Variants in RYR3 observed in about 807,000 individuals in gnomAD.
RYR3 encodes brain ryanodine receptor-calcium release channel.
RYR3 carries 207 observed loss-of-function variants against 584.3 expected under a neutral mutation model. The ratio of observed to expected loss-of-function variants is 0.35; its 90% confidence interval spans 0.32 to 0.40. The LOEUF (loss-of-function observed/expected upper bound fraction) is 0.40. Among genes scored for constraint, RYR3 ranks in the 10% least tolerant of loss-of-function variants. The pLI, the probability that RYR3 is intolerant of heterozygous loss-of-function variation, is 1.00. For missense variants in RYR3, 5,616 were observed against 6,089.2 expected (o/e 0.92, Z 2.59); for synonymous variants, 2,416 against 2,248.5 (o/e 1.07, Z -2.11).
At chr15:33,716,853 C>G (rs1200751467) in intron 43 of RYR3, among the ~76,000 whole-genome samples, 1 of 127,260 alleles carries the variant, frequency 7.9e-6, no homozygotes, top group Non-Finnish European at 1.6e-5. Flanking sequence ...TTCAATAAAA[C>G]TAGAATTAAG....
At chr15:33,334,637 T>A (rs1170315982) in intron 1 of RYR3, among the ~76,000 whole-genome samples, 1 of 152,060 alleles carries the variant, frequency 6.6e-6, no homozygotes, top group Non-Finnish European at 1.5e-5. Flanking sequence ...AATTTCATAA[T>A]GAAGATGCCA....
At chr15:33,421,370 A>C (rs184608654) in intron 1 of RYR3, among the ~76,000 whole-genome samples, 21 of 152,154 alleles carry the variant, frequency 1.4e-4, no homozygotes, top group African/African-American at 4.8e-4. Flanking sequence ...ATCAATTTGG[A>C]GTTGTTGTAT....
rs192898616 is a variant in RYR3, at chr15:33,548,587, G to T, written c.815+383G>T. ...TCCAGTGGACAGTTAGCTTTAAATG[G>T]CACACAGACAGGTGGTCGCGATTGC... On this transcript the variant is annotated intron_variant, in intron 9 of 103. Transcript: ENST00000634891. Among the ~76,000 whole-genome samples the T allele has an allele frequency of 1.3e-3, 201 of 152,316 alleles. 2 individuals carry two copies. Among genetic ancestry groups the T allele is most frequent in the Middle Eastern group, 6.8e-3 (2 of 294 alleles).
intron 30 of RYR3, 57 bp from the exon 31 acceptor site, chr15:33,649,015 A>G (rs986872095): frequency 1.7e-5 from 26 of 1,537,712 alleles, no homozygotes; most frequent in East Asian, 2.3e-5. Flanking sequence ...TGGGCCCCCT[A>G]TCTTCAACTG....
intron 1 of RYR3, among the ~76,000 whole-genome samples, chr15:33,424,952 A>C (rs1196510688): frequency 6.6e-6 from 1 of 152,086 alleles, no homozygotes; most frequent in Non-Finnish European, 1.5e-5. Flanking sequence ...GAAGAAGAAA[A>C]TGGGAATATG....
intron 2 of RYR3, among the ~76,000 whole-genome samples, chr15:33,483,425 T>C (rs1419152066): frequency 6.6e-6 from 1 of 152,216 alleles, no homozygotes; most frequent in Non-Finnish European, 1.5e-5. Context: ...TGGTTTCTGT[T>C]GTCTGCCCCC....
At chr15:33,444,044 G>A (rs542399355) in intron 1 of RYR3, among the ~76,000 whole-genome samples, 9 of 152,340 alleles carry the variant, frequency 5.9e-5, no homozygotes, top group African/African-American at 2.2e-4. Flanking sequence ...AAATGAATTT[G>A]AGGGCTTTGT....
intron 87 of RYR3, among the ~76,000 whole-genome samples, chr15:33,836,082 C>T (rs745793386): frequency 4.0e-5 from 6 of 149,268 alleles, no homozygotes; most frequent in South Asian, 2.1e-4. Flanking sequence ...AGTTGAAGGG[C>T]TAGGCAAAGA....
At chr15:33,669,312 A>G (rs754805800) in intron 36 of RYR3, 42 bp from the exon 37 acceptor site, 1 of 1,544,892 alleles carries the variant, frequency 6.5e-7, no homozygotes, top group Non-Finnish European at 8.9e-7. Context: ...CCCTTGGCCA[A>G]CATTGAGAAC....
At chr15:33,624,647 G>A (rs1595877172) in intron 20 of RYR3, among the ~76,000 whole-genome samples, 1 of 152,270 alleles carries the variant, frequency 6.6e-6, no homozygotes, top group Non-Finnish European at 1.5e-5. Context: ...ATGGAATAGC[G>A]TGAAGGGCTT....
chr15:33,797,883 T>C (rs1326008226), intron 67 of RYR3, among the ~76,000 whole-genome samples: 1 of 152,138 alleles, frequency 6.6e-6, no homozygotes, highest in Non-Finnish European at 1.5e-5. Flanking sequence ...CCCTGAAAAA[T>C]CAATAGGAAA....
chr15:33,839,917 T>C (rs929716469), intron 89 of RYR3: 3 of 152,190 alleles, frequency 2.0e-5, no homozygotes, highest in African/African-American at 4.8e-5. Context: ...GTTTGATACA[T>C]AATAGGGTCC....
intron 38 of RYR3, among the ~76,000 whole-genome samples, chr15:33,691,107 C>T (rs1161209896): frequency 1.3e-5 from 2 of 152,072 alleles, no homozygotes; most frequent in Non-Finnish European, 2.9e-5. Flanking sequence ...AAAACTATAT[C>T]TGAACAAGTA....
intron 1 of RYR3, among the ~76,000 whole-genome samples, chr15:33,330,641 C>G (rs1404143953): frequency 6.6e-6 from 1 of 152,088 alleles, no homozygotes; most frequent in Non-Finnish European, 1.5e-5. Flanking sequence ...ATACTATGCT[C>G]CCAGATAGTT....
At chr15:33,633,192 C>A in intron 24 of RYR3, 84 bp downstream of exon 24, 2 of 1,438,380 alleles carry the variant, frequency 1.4e-6, no homozygotes, top group Non-Finnish European at 1.9e-6. Context: ...TGTGTTAGAT[C>A]AGAAGGAAGA....
intron 1 of RYR3, among the ~76,000 whole-genome samples, chr15:33,348,486 T>G (rs556695826): frequency 6.7e-4 from 102 of 152,316 alleles, no homozygotes; most frequent in African/African-American, 2.4e-3. Flanking sequence ...TTTATTTATT[T>G]ATTTTTGAGA....
chr15:33,755,159 C>G lies in RYR3; in HGVS notation c.8494C>G (p.Gln2832Glu). ...KKILKYVDSAQEFIAHLEAIV... is the reference protein window; with the variant it reads ...KKILKYVDSAEEFIAHLEAIV... Reference sequence around the variant, plus strand: ...GATCCTGAAATACGTTGATTCTGCTCAAGAATTTATTGCCCATTTAGGTAA... The same window carrying G: ...GATCCTGAAATACGTTGATTCTGCTGAAGAATTTATTGCCCATTTAGGTAA... Residue 2832 changes from glutamine (Q) to glutamate (E), a missense_variant, in exon 58 of 104, where the codon CAA becomes GAA. Coordinates refer to ENST00000634891, the MANE Select transcript of RYR3 (RefSeq NM_001036.6). 1.9e-6 allele frequency: 3 copies of G among 1,608,078 alleles called. No individual in the cohort carries two copies. Among genetic ancestry groups the G allele is most frequent in the Non-Finnish European group, 2.6e-6 (3 of 1,175,452 alleles).
At chr15:33,397,415 G>C (rs2141337526) in intron 1 of RYR3, among the ~76,000 whole-genome samples, 1 of 152,278 alleles carries the variant, frequency 6.6e-6, no homozygotes, top group East Asian at 1.9e-4. Context: ...TTACAACTAG[G>C]CCCTATGCAT....
chr15:33,695,364 G>T (rs142072316), intron 38 of RYR3, among the ~76,000 whole-genome samples: 1 of 152,258 alleles, frequency 6.6e-6, no homozygotes, highest in East Asian at 1.9e-4. Flanking sequence ...TATAACCTCT[G>T]AAGGTTCCAC....
Sources: allele counts gnomAD v4.1 joint callset (sites outside exome capture counted in the v4.1 genomes callset), GRCh38; gene constraint gnomAD v4.1.1; transcripts MANE v1.5; gene names NCBI Gene and HGNC (gene_info 2026-07-23, HGNC 2026-07-21).